PLCXD3: variants seen among roughly 807,000 people sequenced by gnomAD.
PLCXD3 encodes the protein PI-PLC X domain-containing protein 3.
PLCXD3 carries 19 observed loss-of-function variants against 25.5 expected under a neutral mutation model. The observed-to-expected ratio is 0.75, with a 90% confidence interval of 0.52 to 1.09. The LOEUF is 1.09. Among genes scored for constraint, PLCXD3 ranks in the 50% least tolerant of loss-of-function variants. The probability of loss-of-function intolerance (pLI) is 0.00; values close to 1 mark genes in which losing one functional copy is unlikely to be tolerated. For missense variants in PLCXD3, 411 were observed against 388.1 expected, an observed-to-expected ratio of 1.06 and a Z score of -0.50; for synonymous variants, 174 against 137.6, an observed-to-expected ratio of 1.26 and a Z score of -1.85.
At chr5:41,408,540 T>C (rs1033756641) in intron 1 of PLCXD3, among the ~76,000 whole-genome samples, 1 of 152,178 alleles carries the variant, frequency 6.6e-6, no homozygotes, top group African/African-American at 2.4e-5. Flanking sequence ...CTGTCACATA[T>C]AAAAAAATCT....
chr5:41,482,394 A>G (rs1394696647), intron 1 of PLCXD3, among the ~76,000 whole-genome samples: 1 of 152,180 alleles, frequency 6.6e-6, no homozygotes, highest in African/African-American at 2.4e-5. Context: ...CGTGACTCGT[A>G]ACGTACTTAC....
At chr5:41,360,602 C>A (rs1363298821) in intron 2 of PLCXD3, among the ~76,000 whole-genome samples, 1 of 152,166 alleles carries the variant, frequency 6.6e-6, no homozygotes, top group Non-Finnish European at 1.5e-5. Context: ...TTCCTGAGAG[C>A]CAAAATGCAG....
At chr5:41,325,021 G>A (rs974321558) in intron 2 of PLCXD3, among the ~76,000 whole-genome samples, 34 of 152,122 alleles carry the variant, frequency 2.2e-4, no homozygotes, top group African/African-American at 7.7e-4. Flanking sequence ...CTTAGATGCC[G>A]TCTGTTACTC....
intron 1 of PLCXD3, among the ~76,000 whole-genome samples, chr5:41,434,625 T>C (rs1747194160): frequency 6.6e-6 from 1 of 152,184 alleles, no homozygotes; most frequent in Non-Finnish European, 1.5e-5. Context: ...AGTGGAATTA[T>C]TTCAATAGCA....
intron 2 of PLCXD3, among the ~76,000 whole-genome samples, chr5:41,326,180 A>T (rs977796800): frequency 1.3e-5 from 2 of 152,128 alleles, no homozygotes; most frequent in Non-Finnish European, 2.9e-5. Context: ...CCATTCATCC[A>T]TCCATGCATT....
intron 1 of PLCXD3, among the ~76,000 whole-genome samples, chr5:41,400,417 C>T (rs953049499): frequency 8.6e-5 from 13 of 151,978 alleles, no homozygotes; most frequent in Admixed American, 8.5e-4. Context: ...TTTACAATAC[C>T]TAAGATTTGG....
intron 1 of PLCXD3, among the ~76,000 whole-genome samples, chr5:41,413,389 A>G (rs932958404): frequency 3.9e-5 from 6 of 152,234 alleles, no homozygotes; most frequent in Admixed American, 2.0e-4. Flanking sequence ...AAATGAGCAA[A>G]CATGCATTGA....
chr5:41,466,654 C>T (rs1327530065), intron 1 of PLCXD3, among the ~76,000 whole-genome samples: 1 of 151,972 alleles, frequency 6.6e-6, no homozygotes, highest in African/African-American at 2.4e-5. Context: ...TCTTGTCTAT[C>T]TAAAATTTTG....
chr5:41,422,918 T>C (rs1371346799), intron 1 of PLCXD3, among the ~76,000 whole-genome samples: 1 of 152,138 alleles, frequency 6.6e-6, no homozygotes, highest in African/African-American at 2.4e-5. Context: ...CATTGTGAAA[T>C]AGAATACTAG....
chr5:41,500,412 T>C (rs1748926868), intron 1 of PLCXD3, among the ~76,000 whole-genome samples: 1 of 151,688 alleles, frequency 6.6e-6, no homozygotes. Context: ...TAATAGACAA[T>C]GGATACTCAG....
chr5:41,501,835 G>A (rs1748958262), intron 1 of PLCXD3, among the ~76,000 whole-genome samples: 1 of 152,042 alleles, frequency 6.6e-6, no homozygotes, highest in Admixed American at 6.6e-5. Flanking sequence ...CATTACCTTT[G>A]GCAAAATACA....
chr5:41,476,496 G>A (rs778548123), intron 1 of PLCXD3, among the ~76,000 whole-genome samples: 1 of 152,186 alleles, frequency 6.6e-6, no homozygotes, highest in African/African-American at 2.4e-5. Flanking sequence ...TGGGTGCTGA[G>A]AATCTAATGA....
At chr5:41,357,416 G>A (rs1451688383) in intron 2 of PLCXD3, among the ~76,000 whole-genome samples, 2 of 152,224 alleles carry the variant, frequency 1.3e-5, no homozygotes, top group African/African-American at 4.8e-5. Context: ...CTTAGATCAT[G>A]TAAGACTCAG....
chr5:41,441,016 A>G (rs541402638), intron 1 of PLCXD3, among the ~76,000 whole-genome samples: 2 of 152,328 alleles, frequency 1.3e-5, no homozygotes, highest in South Asian at 4.1e-4. Context: ...GGCCCACAGA[A>G]TCAGTTTTCT....
chr5:41,502,616 T>G (rs1328037608), intron 1 of PLCXD3, among the ~76,000 whole-genome samples: 1 of 152,128 alleles, frequency 6.6e-6, no homozygotes, highest in Non-Finnish European at 1.5e-5. Flanking sequence ...GTGTAGTAAG[T>G]CTCTCTGCCT....
In PLCXD3 at chr5:41,466,062, T is replaced by G. The variant is rs1199918566; in HGVS notation, c.103+44362A>C. 2.0e-5 allele frequency among the ~76,000 whole-genome samples: 3 copies of G among 152,172 alleles called. No homozygotes were observed. The East Asian group carries it at 5.8e-4, about 29-fold the overall frequency. On this transcript the variant is annotated intron_variant, in intron 1 of 2. Transcript: ENST00000377801. ...TCCCCTAGATCTCATTAACCAACAG[T>G]GGAAAAAAGTATTGCTTTCTTTTAT...
chr5:41,461,444 G>C (rs1282379305), intron 1 of PLCXD3, among the ~76,000 whole-genome samples: 1 of 151,870 alleles, frequency 6.6e-6, no homozygotes, highest in East Asian at 1.9e-4. Context: ...ACTGCAATCT[G>C]TTTCATGTAC....
At chr5:41,319,933 G>T (rs1245292681) in intron 2 of PLCXD3, among the ~76,000 whole-genome samples, 1 of 152,008 alleles carries the variant, frequency 6.6e-6, no homozygotes, top group Non-Finnish European at 1.5e-5. Context: ...CATTACAACT[G>T]ACACTGCAGA....
At chr5:41,369,409 C>A (rs1274596195) in intron 2 of PLCXD3, among the ~76,000 whole-genome samples, 1 of 152,106 alleles carries the variant, frequency 6.6e-6, no homozygotes, top group African/African-American at 2.4e-5. Flanking sequence ...CTGAATTAAA[C>A]TCTTGAAAAT....
Sources: allele counts gnomAD v4.1 joint callset (sites outside exome capture counted in the v4.1 genomes callset), GRCh38; gene constraint gnomAD v4.1.1; transcripts MANE v1.5; gene names NCBI Gene and HGNC (gene_info 2026-07-23, HGNC 2026-07-21).